MIA3: variants seen among roughly 807,000 people sequenced by gnomAD.
The protein encoded by MIA3 is transport and Golgi organization protein 1 homolog.
A neutral mutation model predicts 192.4 loss-of-function variants in MIA3; 90 were observed. The ratio of observed to expected loss-of-function variants is 0.47; its 90% CI spans 0.39 to 0.56. The LOEUF (loss-of-function observed/expected upper bound fraction) is 0.56, where lower values mean the gene tolerates loss of function less well. MIA3 is among the 20% of genes least tolerant of loss of function. The pLI is 0.00. For missense variants in MIA3, 2,123 were observed against 2,269.4 expected, an observed-to-expected ratio of 0.94 and a Z score of 1.31; for synonymous variants, 740 against 792.8, an observed-to-expected ratio of 0.93 and a Z score of 1.12.
chr1:222,661,655 T>C (rs2124929788), intron 24 of MIA3: 1 of 164,420 alleles, frequency 6.1e-6, no homozygotes, highest in Non-Finnish European at 1.3e-5. Flanking sequence ...TTATCGTTTA[T>C]GCGGCATACA....
At chr1:222,650,117 T>G (rs1012545250) in intron 8 of MIA3, 175 bp from the exon 9 acceptor site, 21 of 621,848 alleles carry the variant, frequency 3.4e-5, no homozygotes, top group Middle Eastern at 3.8e-4. Flanking sequence ...TAATTTGTTA[T>G]GAGATTTGAT....
rs1020314492 is a variant in MIA3 at position 222,621,432 on chromosome 1, C to T, written c.267+140C>T. On this transcript the variant is annotated intron_variant, in intron 2 of 27. Coordinates refer to ENST00000344922, the MANE Select transcript of MIA3 (RefSeq NM_198551.4). ...TGCCTGACTGTGAAAAAAGATGGCC[C>T]TGTGTCCCCAGCAGGCCTTGGGTCT... is the stretch of plus-strand genomic sequence containing the variant. 8.4e-5 allele frequency: 69 copies of T among 818,884 alleles called. No homozygotes were observed. The South Asian group carries it at 1.1e-3, about 13-fold the overall frequency. The allele number at this position is 818,884 out of a possible 1,614,324, so 50.7% of individuals were successfully genotyped here. A position where few individuals can be genotyped will look rare whatever the true frequency, so the allele number is the denominator to read the frequency against.
intron 2 of MIA3, among the ~76,000 whole-genome samples, chr1:222,621,809 G>GTTTTTTTT (rs148013914): frequency 1.0e-5 from 1 of 97,150 alleles, no homozygotes; most frequent in Non-Finnish European, 2.7e-5. Flanking sequence ...TTTCTTGTTT[G>GTTTTTTTT]TTTGTTTTTT....
chr1:222,652,337 AG>A lies in MIA3; in HGVS notation c.4086+7del. On this transcript the variant is annotated splice_donor_region_variant and intron_variant, in intron 13 of 27. Coordinates refer to ENST00000344922, the MANE Select transcript of MIA3 (RefSeq NM_198551.4). Reference sequence around the variant, plus strand: ...CTTAAGAAGAAAAAAGAGCAGGTAAAGGAAAGTGCGTGTCCCAGGTCATGTA... The same window carrying A: ...CTTAAGAAGAAAAAAGAGCAGGTAAAGAAAGTGCGTGTCCCAGGTCATGTA... 6.3e-7 allele frequency: 1 copy of A among 1,591,022 alleles called. No homozygotes were observed. The highest frequency in any genetic ancestry group is 1.1e-5 in the South Asian group (1 of 90,638).
intron 6 of MIA3, among the ~76,000 whole-genome samples, chr1:222,644,099 G>C (rs1662996679): frequency 6.6e-6 from 1 of 152,164 alleles, no homozygotes; most frequent in South Asian, 2.1e-4. Flanking sequence ...TAAATCCCTG[G>C]CCTCATTACT....
intron 18 of MIA3, 134 bp downstream of exon 18, chr1:222,654,927 C>G: frequency 1.2e-6 from 1 of 837,174 alleles, no homozygotes; most frequent in Non-Finnish European, 1.8e-6. Context: ...GTCTTTCTTT[C>G]TTTCTGCTTT....
chr1:222,627,996 A>G lies in MIA3; in HGVS notation c.776A>G (p.Asp259Gly), dbSNP rs1312292349. ...SNSSQVSNEQ[D>G]KIDAYKLLKK... ...AGTTCTCAGGTCTCAAATGAACAGG[A>G]TAAGATTGATGCCTATAAACTTTTG... is the stretch of plus-strand genomic sequence containing the variant. Residue 259 changes from aspartate to glycine, a missense_variant, in exon 4 of 28, where the codon GAT becomes GGT. Coordinates refer to ENST00000344922, the MANE Select transcript of MIA3 (RefSeq NM_198551.4). 1.2e-6 allele frequency: 2 copies of G among 1,614,064 alleles called. No individual in the cohort carries two copies. The highest frequency in any genetic ancestry group is 1.3e-5 in the African/African-American group (1 of 74,930).
chr1:222,644,618 A>G (rs775447804), intron 6 of MIA3: 7 of 1,549,982 alleles, frequency 4.5e-6, no homozygotes, highest in African/African-American at 2.7e-5. Flanking sequence ...GAGGGACCCA[A>G]GCTGTCACAG....
At chr1:222,650,949 C>T (rs1663398522) in intron 11 of MIA3, 46 bp downstream of exon 11, 1 of 1,157,508 alleles carries the variant, frequency 8.6e-7, no homozygotes, top group African/African-American at 1.6e-5. Flanking sequence ...GGGTTTTGAA[C>T]TCTTTTGTAG....
At chr1:222,635,878 G>A (rs1662601523) in intron 6 of MIA3, among the ~76,000 whole-genome samples, 1 of 152,126 alleles carries the variant, frequency 6.6e-6, no homozygotes, top group Non-Finnish European at 1.5e-5. Context: ...CGCCTACCTT[G>A]CAAGGCTATA....
intron 1 of MIA3, among the ~76,000 whole-genome samples, chr1:222,620,207 A>G (rs1287226279): frequency 6.6e-6 from 1 of 152,196 alleles, no homozygotes; most frequent in Non-Finnish European, 1.5e-5. Context: ...CTTTTGGAAA[A>G]AATCTTATTT....
chr1:222,660,273 C>T lies in MIA3; in HGVS notation c.5072C>T (p.Ser1691Phe). The T allele has an allele frequency of 6.2e-7, 1 of 1,614,008 alleles. No homozygotes were observed. The highest frequency in any genetic ancestry group is 8.5e-7 in the Non-Finnish European group (1 of 1,179,868). Residue 1691 changes from serine to phenylalanine, a missense_variant, in exon 24 of 28, where the codon TCT (serine) becomes TTT (phenylalanine). Physicochemically the swap from Ser to Phe is radical, Grantham distance 155. Transcript: ENST00000344922. ...GTGGAGCCACCCGTGAGACCTCTCT[C>T]TGCTACTCTCAATCGAAGAGATATG... ...LTVEPPVRPL[S>F]ATLNRRDMPR...
In MIA3 at chr1:222,654,441, A is replaced by G. The variant is rs1247537082; in HGVS notation, c.4430A>G (p.Lys1477Arg). Residue 1477 changes from lysine to arginine, a missense_variant, in exon 17 of 28, where the codon AAG becomes AGG. Lys to Arg is a conservative substitution (Grantham distance 26). Around this residue, in one of 3 missense-constraint regions of MIA3, gnomAD observed 762 missense variants for 856.4 expected, o/e 0.89. Coordinates refer to ENST00000344922, the MANE Select transcript of MIA3 (RefSeq NM_198551.4). ...GAGGATCTAAAGCTTTTACAGCTTA[A>G]GCTAAGAGCCTCCGTGTCCACTAAA... is the stretch of plus-strand genomic sequence containing the variant. The part of the protein sequence containing the change: ...VEEDLKLLQL[K>R]LRASVSTKCN... The G allele has an allele frequency of 6.2e-7, 1 of 1,613,884 alleles. No homozygotes were observed. Among genetic ancestry groups the G allele is most frequent in the Non-Finnish European group, 8.5e-7 (1 of 1,179,974 alleles).
chr1:222,632,118 G>T (rs1294051013), intron 4 of MIA3, 47 bp from the exon 5 acceptor site: 1 of 1,581,370 alleles, frequency 6.3e-7, no homozygotes, highest in Admixed American at 1.7e-5. Flanking sequence ...AGCCTAACAG[G>T]TAGTGTCATC....
chr1:222,665,216 A>AG (rs1664219708), intron 27 of MIA3, 93 bp from the exon 28 acceptor site: 2 of 923,080 alleles, frequency 2.2e-6, no homozygotes, highest in Non-Finnish European at 3.2e-6. Flanking sequence ...AAAAAAAAAA[A>AG]AAAAAGGATG....
chr1:222,665,582 G>C lies in MIA3; in HGVS notation c.5687G>C (p.Ser1896Thr), dbSNP rs1205195111. The part of the protein sequence containing the change: ...DEPPPASQST[S>T]QDCSQALKQS... ...CCTCCACCTGCCTCTCAGAGCACTA[G>C]CCAGGACTGTTCACAGGCTTTAAAA... The change falls in exon 28 of 28, where the codon AGC (serine) becomes ACC (threonine). Residue 1896 changes from serine (S) to threonine (T), a missense_variant. Around this residue, in one of 3 missense-constraint regions of MIA3, gnomAD observed 762 missense variants for 856.4 expected, o/e 0.89. Coordinates refer to ENST00000344922, the MANE Select transcript of MIA3 (RefSeq NM_198551.4). The C allele has an allele frequency of 6.2e-7, 1 of 1,610,800 alleles. No homozygotes were observed. The highest frequency in any genetic ancestry group is 8.5e-7 in the Non-Finnish European group (1 of 1,178,896).
At chr1:222,644,277 G>A in intron 6 of MIA3, 2 of 1,393,492 alleles carry the variant, frequency 1.4e-6, no homozygotes, top group Non-Finnish European at 1.9e-6. Flanking sequence ...TTGGTGCCTT[G>A]AGGTGCGCCA....
intron 1 of MIA3, 89 bp downstream of exon 1, chr1:222,618,332 G>T (rs2102705328): frequency 8.2e-7 from 1 of 1,218,642 alleles, no homozygotes. Context: ...GCGCCGCCTG[G>T]GCTGTGCGGG....
chr1:222,663,772 T>G (rs1425167335), intron 26 of MIA3, among the ~76,000 whole-genome samples: 1 of 152,174 alleles, frequency 6.6e-6, no homozygotes, highest in African/African-American at 2.4e-5. Context: ...CATTTGCAGA[T>G]GTAAGCAATA....
Sources: allele counts gnomAD v4.1 joint callset (sites outside exome capture counted in the v4.1 genomes callset), GRCh38; gene constraint gnomAD v4.1.1; regional missense constraint gnomAD v4.1.1; transcripts MANE v1.5; gene names NCBI Gene and HGNC (gene_info 2026-07-23, HGNC 2026-07-21).